Variants in SGF29 observed in about 807,000 individuals in gnomAD.
SGF29 encodes the protein SAGA-associated factor 29.
SGF29 carries 15 observed loss-of-function variants against 38.1 expected under a neutral mutation model. The ratio of observed to expected loss-of-function variants is 0.39; its 90% CI spans 0.26 to 0.61. The LOEUF (loss-of-function observed/expected upper bound fraction) is 0.61. SGF29 is among the 20% of genes least tolerant of loss of function. The pLI, the probability that SGF29 is intolerant of heterozygous loss-of-function variation, is 0.49. For synonymous variants in SGF29, 151 were observed against 160.8 expected (o/e 0.94, Z 0.46); for missense variants, 184 against 394.6 (o/e 0.47, Z 4.52).
Position 28,590,796 on chromosome 16 carries a change from G to T in SGF29, c.626G>T (p.Arg209Leu). The change falls in exon 9 of 10, where the codon CGT becomes CTT. Residue 209 changes from arginine (R) to leucine (L), a missense_variant. Arg to Leu is a moderately radical substitution (Grantham distance 102). This residue lies in a region of SGF29 where 107 missense variants were observed against 276.9 expected (regional missense o/e 0.39). Transcript: ENST00000317058. This position sits in a 1 kb window ranked among gnomAD's most constrained non-coding sequence, Gnocchi z 8.2. Reference protein sequence around the residue: ...GKERHTLSRRRVIPLPQWKAN... With the variant: ...GKERHTLSRRLVIPLPQWKAN... ...AGGAGACACACCCTGAGCCGGCGCC[G>T]TGTCATCCCGCTGCCCCAGTGGAAG... The T allele has an allele frequency of 6.2e-7, 1 of 1,614,012 alleles. No homozygotes were observed. The highest frequency in any genetic ancestry group is 8.5e-7 in the Non-Finnish European group (1 of 1,179,964).
At chr16:28,580,286 A>C (rs1308915364) in intron 1 of SGF29, among the ~76,000 whole-genome samples, 1 of 152,174 alleles carries the variant, frequency 6.6e-6, no homozygotes, top group East Asian at 1.9e-4. Flanking sequence ...TTCATTTCTT[A>C]TGGCTGCCAT....
intron 1 of SGF29, among the ~76,000 whole-genome samples, chr16:28,580,693 C>G (rs954332156): frequency 6.6e-6 from 1 of 152,186 alleles, no homozygotes; most frequent in East Asian, 1.9e-4. Flanking sequence ...TTATTACTAT[C>G]TTTTAAAGGG....
chr16:28,587,533 G>T (rs1226875020), intron 4 of SGF29, among the ~76,000 whole-genome samples: 1 of 152,210 alleles, frequency 6.6e-6, no homozygotes, highest in Non-Finnish European at 1.5e-5. Context: ...CCTTGTCCCT[G>T]CGTTGGTTTG....
At chr16:28,561,055 A>G (rs926888929) in intron 1 of SGF29, among the ~76,000 whole-genome samples, 3 of 152,112 alleles carry the variant, frequency 2.0e-5, no homozygotes, top group Admixed American at 6.6e-5. Context: ...GAATCAAAAT[A>G]ATTAGTTAAA....
At chr16:28,563,715 CTTTTTTTTTTT>C (rs11445174) in intron 1 of SGF29, among the ~76,000 whole-genome samples, 2 of 80,824 alleles carry the variant, frequency 2.5e-5, no homozygotes, top group African/African-American at 4.7e-5. Flanking sequence ...GAGAAACAGA[CTTTTTTTTTTT>C]TTTTTTTTTT....
At chr16:28,571,012 G>A (rs1414344112) in intron 1 of SGF29, among the ~76,000 whole-genome samples, 4 of 152,112 alleles carry the variant, frequency 2.6e-5, no homozygotes, top group Non-Finnish European at 5.9e-5. Flanking sequence ...ACTTTTGGGG[G>A]TTCAGGAGCC....
intron 1 of SGF29, among the ~76,000 whole-genome samples, chr16:28,570,821 G>A (rs193628): frequency 2.6e-5 from 4 of 151,610 alleles, no homozygotes; most frequent in South Asian, 4.2e-4. Flanking sequence ...CAAGTGATTC[G>A]CCCACCTTGG....
chr16:28,564,677 A>ACG (rs2046818875), intron 1 of SGF29, among the ~76,000 whole-genome samples: 1 of 90,534 alleles, frequency 1.1e-5, no homozygotes, highest in South Asian at 2.6e-4. Flanking sequence ...ATATATATGT[A>ACG]TATATATGTG....
chr16:28,568,921 A>G (rs1382452756), intron 1 of SGF29, among the ~76,000 whole-genome samples: 1 of 144,794 alleles, frequency 6.9e-6, no homozygotes, highest in African/African-American at 2.6e-5. Context: ...CAAAAAAAGA[A>G]AAAAAAAAAA....
intron 1 of SGF29, among the ~76,000 whole-genome samples, chr16:28,574,871 C>T (rs1374028880): frequency 2.0e-5 from 3 of 152,178 alleles, no homozygotes; most frequent in Non-Finnish European, 2.9e-5. Context: ...CTAAACTCCA[C>T]TTTTATTCTT....
intron 2 of SGF29, among the ~76,000 whole-genome samples, chr16:28,582,347 A>G (rs1157626765): frequency 6.6e-6 from 1 of 151,346 alleles, no homozygotes; most frequent in Non-Finnish European, 1.5e-5. Context: ...AGAGGATTTT[A>G]GGGGGTGGAA....
chr16:28,557,161 A>G (rs904274245), intron 1 of SGF29, among the ~76,000 whole-genome samples: 12 of 152,156 alleles, frequency 7.9e-5, no homozygotes, highest in African/African-American at 2.9e-4. Context: ...TAGGCTGGGT[A>G]TTAGTGGTTA....
At chr16:28,577,424 C>A (rs1466062050) in intron 1 of SGF29, among the ~76,000 whole-genome samples, 1 of 151,796 alleles carries the variant, frequency 6.6e-6, no homozygotes, top group Non-Finnish European at 1.5e-5. Context: ...CCCCACCCAG[C>A]TTTCTATGGA....
chr16:28,569,961 G>T (rs2046855385), intron 1 of SGF29, among the ~76,000 whole-genome samples: 3 of 152,194 alleles, frequency 2.0e-5, no homozygotes, highest in Admixed American at 1.3e-4. Flanking sequence ...AAGCTGTAGG[G>T]GCATGGCTAC....
intron 1 of SGF29, among the ~76,000 whole-genome samples, chr16:28,555,278 A>G (rs1318270624): frequency 6.6e-6 from 1 of 152,094 alleles, no homozygotes; most frequent in Non-Finnish European, 1.5e-5. Flanking sequence ...AGCCCGAGCA[A>G]CGTGGTGAAA....
intron 1 of SGF29, among the ~76,000 whole-genome samples, chr16:28,563,715 C>CTTTTTTT (rs11445174): frequency 1.4e-4 from 11 of 80,830 alleles, no homozygotes; most frequent in Admixed American, 3.5e-4. Context: ...GAGAAACAGA[C>CTTTTTTT]TTTTTTTTTT....
At position 28,584,983 on chromosome 16, in the gene SGF29, A is replaced by T. The variant is rs749649489; in HGVS notation, c.146A>T (p.Asn49Ile). 6.2e-7 allele frequency: 1 copy of T among 1,613,752 alleles called. No homozygotes were observed. Among genetic ancestry groups the T allele is most frequent in the East Asian group, 2.2e-5 (1 of 44,874 alleles). The change falls in exon 3 of 10, where the codon AAC becomes ATC. Residue 49 changes from asparagine to isoleucine, a missense_variant. This residue lies in a region of SGF29 where 77 missense variants were observed against 117.7 expected (regional missense o/e 0.65). Transcript: ENST00000317058. ...ACCCATGAGCGGATGCAGACAGAGA[A>T]CAAGAGTGAGTAGCTGGGCTCAGGA... is the stretch of plus-strand genomic sequence containing the variant. Reference protein sequence around the residue: ...QKTHERMQTENKISPYYRTKL... With the variant: ...QKTHERMQTEIKISPYYRTKL...
At chr16:28,589,293 A>G in intron 5 of SGF29, 129 bp downstream of exon 5, 2 of 888,488 alleles carry the variant, frequency 2.3e-6, no homozygotes, top group Non-Finnish European at 3.6e-6. Context: ...AGGCTCTGGC[A>G]GACTGGCTCT....
intron 1 of SGF29, among the ~76,000 whole-genome samples, chr16:28,559,138 G>C (rs543078552): frequency 6.6e-6 from 1 of 152,148 alleles, no homozygotes; most frequent in South Asian, 2.1e-4. Context: ...TGAGCAATAT[G>C]ATGAGACCTC....
Sources: gnomAD v4.1 joint callset for allele counts (sites outside exome capture counted in the v4.1 genomes callset) on GRCh38, gnomAD v4.1.1 for gene constraint, gnomAD v4.1.1 regional missense constraint, Gnocchi (gnomAD v3.1) non-coding constraint, MANE v1.5 for transcripts, NCBI Gene and HGNC (gene_info 2026-07-23, HGNC 2026-07-21) for gene names.